The following EFCAB11 variants were observed in gnomAD, a reference collection of about 807,000 sequenced individuals.
The protein encoded by EFCAB11 is EF-hand calcium binding domain 11.
Under a neutral mutation model 23.0 loss-of-function variants are expected in EFCAB11, and 14 were observed. That is an observed-to-expected ratio of 0.61 (90% confidence interval 0.40 to 0.95). The LOEUF is 0.95. EFCAB11 is among the 40% of genes least tolerant of loss of function. The probability of loss-of-function intolerance (pLI) is 0.00; values close to 1 mark genes in which losing one functional copy is unlikely to be tolerated. For synonymous variants in EFCAB11, 65 were observed against 66.6 expected (o/e 0.98, Z 0.11); for missense variants, 198 against 195.8 (o/e 1.01, Z -0.07).
At chr14:89,803,510 G>A (rs556959293) in intron 5 of EFCAB11, among the ~76,000 whole-genome samples, 1 of 152,368 alleles carries the variant, frequency 6.6e-6, no homozygotes, top group African/African-American at 2.4e-5. Context: ...CACCTGAAAT[G>A]TGAATGAGAA....
intron 5 of EFCAB11, among the ~76,000 whole-genome samples, chr14:89,857,338 T>C (rs1342890011): frequency 6.6e-6 from 1 of 152,204 alleles, no homozygotes; most frequent in Non-Finnish European, 1.5e-5. Flanking sequence ...AAAAGTGCTA[T>C]AATCATGACG....
At chr14:89,815,730 CT>C (rs1886315816) in intron 5 of EFCAB11, among the ~76,000 whole-genome samples, 2 of 151,992 alleles carry the variant, frequency 1.3e-5, no homozygotes, top group South Asian at 4.2e-4. Context: ...GGCCGAAATC[CT>C]TTCTAATTAG....
Position 89,846,137 on chromosome 14 carries a change from G to A in EFCAB11, c.411-48813C>T, listed in dbSNP as rs73318853. Among the ~76,000 whole-genome samples, 347 of 152,308 alleles carry A rather than the reference G, an allele frequency of 2.3e-3. 2 individuals carry two copies. Among genetic ancestry groups the A allele is most frequent in the African/African-American group, 8.1e-3 (335 of 41,566 alleles). On this transcript the variant is annotated intron_variant, in intron 5 of 5. Transcript: ENST00000316738. ...TGTATAAAGAGATAATCCACATAAA[G>A]TGCTTAGCGCAGTGGCTAGCATGTA...
intron 5 of EFCAB11, among the ~76,000 whole-genome samples, chr14:89,873,414 C>T (rs1023122149): frequency 6.6e-6 from 1 of 152,098 alleles, no homozygotes; most frequent in Non-Finnish European, 1.5e-5. Flanking sequence ...TCATTCTGTC[C>T]CTGGCCCCTC....
rs577586942 is a variant in EFCAB11 at position 89,903,984 on chromosome 14, T to A, written c.410+27557A>T. 2.0e-5 allele frequency among the ~76,000 whole-genome samples: 3 copies of A among 152,328 alleles called. No homozygotes were observed. In the East Asian group the frequency reaches 5.8e-4, roughly 29 times the overall value. On this transcript the variant is annotated intron_variant, in intron 5 of 5. Coordinates refer to ENST00000316738, the MANE Select transcript of EFCAB11 (RefSeq NM_145231.4). ...CCTAACACAAACATATCTGTTTTTT[T>A]AATTATTATTATACTTTAAGTTCTA...
At chr14:89,877,095 A>T (rs571317650) in intron 5 of EFCAB11, among the ~76,000 whole-genome samples, 2 of 151,544 alleles carry the variant, frequency 1.3e-5, no homozygotes, top group South Asian at 4.2e-4. Flanking sequence ...GCTAGAGTGC[A>T]GTGGTGTGAT....
chr14:89,922,780 C>T (rs1890061716), intron 5 of EFCAB11, among the ~76,000 whole-genome samples: 1 of 152,066 alleles, frequency 6.6e-6, no homozygotes, highest in Non-Finnish European at 1.5e-5. Context: ...CTGGAAATAA[C>T]ACATGGGTAC....
chr14:89,879,574 A>C (rs1888541619), intron 5 of EFCAB11, among the ~76,000 whole-genome samples: 1 of 152,164 alleles, frequency 6.6e-6, no homozygotes, highest in African/African-American at 2.4e-5. Flanking sequence ...CAAACACTTC[A>C]ATTACTTACA....
At chr14:89,929,031 A>ATATATATATTTTATATATATATATTT (rs1890292767) in intron 5 of EFCAB11, among the ~76,000 whole-genome samples, 4 of 129,670 alleles carry the variant, frequency 3.1e-5, no homozygotes, top group Non-Finnish European at 1.6e-5. Flanking sequence ...AAATACATAC[A>ATATATATATTTTATATATATATATTT]TATATATATA....
chr14:89,873,841 C>A (rs1888355873), intron 5 of EFCAB11, among the ~76,000 whole-genome samples: 1 of 152,204 alleles, frequency 6.6e-6, no homozygotes. Context: ...CAGCTCCCCT[C>A]CTGGCTGCTT....
intron 5 of EFCAB11, among the ~76,000 whole-genome samples, chr14:89,917,095 T>G (rs1468704711): frequency 9.2e-6 from 1 of 108,190 alleles, no homozygotes; most frequent in Non-Finnish European, 1.6e-5. Flanking sequence ...TGTGTGTGTG[T>G]GTATGTGTGT....
chr14:89,934,857 C>G (rs1477965910), intron 3 of EFCAB11, among the ~76,000 whole-genome samples: 1 of 152,124 alleles, frequency 6.6e-6, no homozygotes, highest in Admixed American at 6.5e-5. Flanking sequence ...AGCCGAAATT[C>G]TTGAATAATG....
At chr14:89,924,552 A>G (rs1393712634) in intron 5 of EFCAB11, 4 of 1,519,150 alleles carry the variant, frequency 2.6e-6, no homozygotes, top group Non-Finnish European at 3.5e-6. Context: ...AGAAGTAAAC[A>G]TATCCATGCA....
At chr14:89,855,960 T>C (rs1887738176) in intron 5 of EFCAB11, among the ~76,000 whole-genome samples, 1 of 152,214 alleles carries the variant, frequency 6.6e-6, no homozygotes, top group Middle Eastern at 3.2e-3. Flanking sequence ...ACTGTCAGGA[T>C]CACTTTTAAG....
At chr14:89,946,122 A>G (rs1890974612) in intron 3 of EFCAB11, among the ~76,000 whole-genome samples, 1 of 151,858 alleles carries the variant, frequency 6.6e-6, no homozygotes, top group Admixed American at 6.6e-5. Context: ...GGGTTTCATC[A>G]TGGTTGGTCT....
chr14:89,893,599 C>T (rs1179423833), intron 5 of EFCAB11, among the ~76,000 whole-genome samples: 1 of 152,040 alleles, frequency 6.6e-6, no homozygotes, highest in African/African-American at 2.4e-5. Context: ...CCTCTTGCCC[C>T]AGCTCTGGAC....
intron 5 of EFCAB11, among the ~76,000 whole-genome samples, chr14:89,821,069 C>T (rs1013761316): frequency 6.6e-6 from 1 of 151,998 alleles, no homozygotes; most frequent in African/African-American, 2.4e-5. Context: ...ACTATCTTGC[C>T]CAGGATGGTC....
intron 5 of EFCAB11, among the ~76,000 whole-genome samples, chr14:89,926,290 C>T (rs920709709): frequency 6.6e-6 from 1 of 152,166 alleles, no homozygotes; most frequent in Non-Finnish European, 1.5e-5. Context: ...TGGTAGAAAA[C>T]TTGCTTTCAT....
chr14:89,888,432 G>A (rs533730015), intron 5 of EFCAB11, among the ~76,000 whole-genome samples: 1 of 152,316 alleles, frequency 6.6e-6, no homozygotes, highest in Admixed American at 6.5e-5. Context: ...TGGCTTCTGG[G>A]GAAGCCTACA....
Sources: allele counts gnomAD v4.1 joint callset (sites outside exome capture counted in the v4.1 genomes callset), GRCh38; gene constraint gnomAD v4.1.1; transcripts MANE v1.5; gene names NCBI Gene and HGNC (gene_info 2026-07-23, HGNC 2026-07-21).